The following SLX4 variants were observed in gnomAD, a reference collection of about 807,000 sequenced individuals.
SLX4 encodes SLX4 structure-specific endonuclease subunit, also known as structure-specific endonuclease subunit SLX4.
A neutral mutation model predicts 146.2 loss-of-function variants in SLX4; 112 were observed. The observed-to-expected ratio is 0.77, with a 90% CI of 0.66 to 0.90. The LOEUF is 0.90. Ranked by LOEUF, SLX4 falls within the 40% of genes least tolerant of loss-of-function variation. The pLI is 0.00. For missense variants in SLX4, 2,563 were observed against 2,392.7 expected (o/e 1.07, Z -1.49); for synonymous variants, 1,061 against 997.7 (o/e 1.06, Z -1.20).
chr16:3,602,983 G>C (rs1453145179), intron 3 of SLX4, among the ~76,000 whole-genome samples: 1 of 152,196 alleles, frequency 6.6e-6, no homozygotes, highest in Non-Finnish European at 1.5e-5. Context: ...AGTTCTTCAT[G>C]GCTGTGGCCT....
intron 3 of SLX4, among the ~76,000 whole-genome samples, chr16:3,604,094 T>G (rs2040757749): frequency 6.6e-6 from 1 of 150,932 alleles, no homozygotes; most frequent in Non-Finnish European, 1.5e-5. Context: ...TAGCCGGGTG[T>G]GGTGGTGGGT....
rs763480007 is a variant in SLX4 at position 3,602,263 on chromosome 16, C to A, written c.805G>T (p.Ala269Ser). 2 of 1,614,064 alleles carry A rather than the reference C, an allele frequency of 1.2e-6. No individual in the cohort carries two copies. The highest frequency in any genetic ancestry group is 1.3e-5 in the African/African-American group (1 of 74,958). ...PPAPESDAAVALTLQQEFARV... is the reference protein window; with the variant it reads ...PPAPESDAAVSLTLQQEFARV... The stretch of plus-strand genomic sequence containing the variant: ...GCAAACTCCTGCTGCAGGGTCAAGG[C>A]CACCGCAGCGTCGCTCTCTGGGGCA... Residue 269 changes from alanine (A) to serine (S), a missense_variant, in exon 4 of 15, where the codon GCC (alanine) becomes TCC (serine). Coordinates refer to ENST00000294008, the MANE Select transcript of SLX4 (RefSeq NM_032444.4).
chr16:3,583,357 G>A lies in SLX4; in HGVS notation c.4893C>T (p.Ser1631=), dbSNP rs760161771. ...CTGCCCTTGAAGGCTTGTAGGTCTG[G>A]GAGGCGAGGGTCTGGCAGTGAGGCG... is the stretch of plus-strand genomic sequence containing the variant. ...LQAPHCQTLA[S]QTYKPSRAGV... The change falls in exon 14 of 15, where the codon TCC becomes TCT. Residue 1631 remains serine (S), a synonymous_variant. Transcript: ENST00000294008. The A allele has an allele frequency of 6.2e-7, 1 of 1,613,412 alleles. No homozygotes were observed. Among genetic ancestry groups the A allele is most frequent in the South Asian group, 1.1e-5 (1 of 91,076 alleles).
rs768777830 is a variant in SLX4, at chr16:3,592,836, C to T, written c.2190G>A (p.Glu730=). The T allele has an allele frequency of 5.0e-6, 8 of 1,612,176 alleles. No individual in the cohort carries two copies. In the South Asian group the frequency reaches 6.6e-5, roughly 13 times the overall value. ...GGACACGCTGGGTCAGAACCCCGTCCTCTACAGCGGAGAAGCCTTCATTGT... is the reference window on the plus strand; with the variant it reads ...GGACACGCTGGGTCAGAACCCCGTCTTCTACAGCGGAGAAGCCTTCATTGT... ...YVNNEGFSAV[E]DGVLTQRVLL... Residue 730 remains glutamate (E), a synonymous_variant, in exon 11 of 15, where the codon GAG becomes GAA. Transcript: ENST00000294008.
intron 11 of SLX4, 132 bp downstream of exon 11, chr16:3,592,567 G>C: frequency 1.8e-6 from 2 of 1,104,340 alleles, no homozygotes; most frequent in Non-Finnish European, 2.7e-6. Context: ...CATGGACTTG[G>C]GATTAAAAGG....
Position 3,594,439 on chromosome 16 carries a change from G to C in SLX4, c.2160+14C>G. 6.2e-7 allele frequency: 1 copy of C among 1,609,592 alleles called. No individual in the cohort carries two copies. The highest frequency in any genetic ancestry group is 8.5e-7 in the Non-Finnish European group (1 of 1,178,104). ...AGAGAGGAAAGGAGGGCACACGGCA[G>C]CCCACGTACTTACATACTGGATGAG... On this transcript the variant is annotated intron_variant, in intron 10 of 14. Transcript: ENST00000294008.
At position 3,590,950 on chromosome 16, in the gene SLX4, C is replaced by T. The variant is rs758166923; in HGVS notation, c.2688G>A (p.Val896=). Reference sequence around the variant, plus strand: ...CCTCCACCTTGTCCCACTGTTTCTGCACCTGGACACCTGCTAGGAGTTGCC... The same window carrying T: ...CCTCCACCTTGTCCCACTGTTTCTGTACCTGGACACCTGCTAGGAGTTGCC... The part of the protein sequence containing the change: ...VSGQLLAGVQ[V]QKQWDKVEEM... The change falls in exon 12 of 15, where the codon GTG becomes GTA. Residue 896 remains valine, a synonymous_variant. Transcript: ENST00000294008. This position sits in a 1 kb window ranked among gnomAD's most constrained non-coding sequence, Gnocchi z 4.8. 2 of 1,614,208 alleles carry T rather than the reference C, an allele frequency of 1.2e-6. No homozygotes were observed. Among genetic ancestry groups the T allele is most frequent in the South Asian group, 2.2e-5 (2 of 91,088 alleles).
At chr16:3,585,336 C>T (rs1308624289) in intron 12 of SLX4, among the ~76,000 whole-genome samples, 2 of 152,202 alleles carry the variant, frequency 1.3e-5, no homozygotes, top group Admixed American at 6.5e-5. Context: ...CCTGTAATCC[C>T]AGCACTTTGG....
intron 12 of SLX4, among the ~76,000 whole-genome samples, chr16:3,585,184 C>T (rs994859489): frequency 2.0e-5 from 3 of 152,194 alleles, no homozygotes; most frequent in African/African-American, 7.2e-5. Context: ...ATATCTGACC[C>T]ACAGTGACAA....
chr16:3,582,167 A>G lies in SLX4; in HGVS notation c.*175T>C. 1 of 617,334 alleles carries G rather than the reference A, an allele frequency of 1.6e-6. No homozygotes were observed. The highest frequency in any genetic ancestry group is 2.9e-6 in the Non-Finnish European group (1 of 349,506). 38.2% of individuals were successfully genotyped at this position (617,334 alleles called of 1,614,324 possible). ...TGCCACCCTAGAAAGCAGAGCCCAG[A>G]GGAGGAAGCCCTGGATTGGGCTGTG... is the stretch of plus-strand genomic sequence containing the variant. On this transcript the variant is annotated 3_prime_UTR_variant, in exon 15 of 15. Transcript: ENST00000294008.
rs769809295 is a variant in SLX4, at chr16:3,601,118, G to A, written c.1024C>T (p.Pro342Ser). ...GTTCTGCTCTTTAAGGTAAGAAACG[G>A]TTTCCCACAAATCGGGCACTCAGGG... ...QIPECPICGK[P>S]FLTLKSRTSH... The change falls in exon 5 of 15, where the codon CCG becomes TCG. Residue 342 changes from proline to serine, a missense_variant. Transcript: ENST00000294008. 4.3e-6 allele frequency: 7 copies of A among 1,614,132 alleles called. No homozygotes were observed. In the South Asian group the frequency reaches 7.7e-5, roughly 18 times the overall value.
intron 10 of SLX4, 146 bp downstream of exon 10, chr16:3,594,307 G>T: frequency 8.7e-7 from 1 of 1,147,924 alleles, no homozygotes; most frequent in Non-Finnish European, 1.3e-6. Flanking sequence ...TTGGGAGGGA[G>T]AAGGTGAGAA....
rs138810930 is a variant in SLX4, at chr16:3,609,817, T to C, written c.-602-251A>G. 2.3e-4 allele frequency among the ~76,000 whole-genome samples: 35 copies of C among 152,356 alleles called. No homozygotes were observed. The East Asian group carries it at 6.7e-3, about 29-fold the overall frequency. On this transcript the variant is annotated intron_variant, in intron 1 of 14. Transcript: ENST00000294008. ...ATATGTGCATCTTGGGAGAGTGTTTTCTTAACTGAAATTTAGGGAGCAAAC... is the reference window on the plus strand; with the variant it reads ...ATATGTGCATCTTGGGAGAGTGTTTCCTTAACTGAAATTTAGGGAGCAAAC...
Position 3,596,297 on chromosome 16 carries a change from C to T in SLX4, c.1780G>A (p.Gly594Ser). ...SPALHGTPTA[G>S]CGSRGPSPSA... The stretch of plus-strand genomic sequence containing the variant: ...GGCGACGGGCCCCTGGAGCCACAGC[C>T]TGCAGTGGGGGTGCCGTGGAGAGCG... The change falls in exon 8 of 15, where the codon GGC becomes AGC. Residue 594 changes from glycine (G) to serine (S), a missense_variant. Physicochemically the swap from Gly to Ser is moderately conservative, Grantham distance 56 (BLOSUM62 0). Coordinates refer to ENST00000294008, the MANE Select transcript of SLX4 (RefSeq NM_032444.4). The T allele has an allele frequency of 6.4e-7, 1 of 1,574,592 alleles. No individual in the cohort carries two copies. The highest frequency in any genetic ancestry group is 8.6e-7 in the Non-Finnish European group (1 of 1,160,512).
At chr16:3,600,323 C>G (rs991185144) in intron 5 of SLX4, among the ~76,000 whole-genome samples, 1 of 152,170 alleles carries the variant, frequency 6.6e-6, no homozygotes, top group Non-Finnish European at 1.5e-5. Flanking sequence ...AGGCCACAGA[C>G]CGGTACTGGT....
intron 5 of SLX4, chr16:3,600,539 T>TTTCA (rs1187402956): frequency 9.4e-6 from 2 of 213,132 alleles, no homozygotes; most frequent in African/African-American, 4.8e-5. Flanking sequence ...GCCCTAAGTG[T>TTTCA]TTCATTTCCA....
intron 11 of SLX4, 99 bp from the exon 12 acceptor site, chr16:3,591,409 G>A: frequency 6.5e-7 from 1 of 1,535,664 alleles, no homozygotes. Flanking sequence ...TTCACCAGGA[G>A]GAATGACCAT....
Position 3,595,693 on chromosome 16 carries a change from C to A in SLX4, c.1925G>T (p.Gly642Val). 3 of 1,614,060 alleles carry A rather than the reference C, an allele frequency of 1.9e-6. No individual in the cohort carries two copies. Among genetic ancestry groups the A allele is most frequent in the Non-Finnish European group, 2.5e-6 (3 of 1,180,036 alleles). Residue 642 changes from glycine (G) to valine (V), a missense_variant and splice_region_variant, in exon 9 of 15, where the codon GGG becomes GTG. By Grantham distance (109) the Gly-to-Val change is moderately radical (BLOSUM62 -3). Coordinates refer to ENST00000294008, the MANE Select transcript of SLX4 (RefSeq NM_032444.4). Reference sequence around the variant, plus strand: ...AAGGCCGCCGGGCACCACGTCCAACCCTGAGTGGAGGATTCACAGGTTAAA... The same window carrying A: ...AAGGCCGCCGGGCACCACGTCCAACACTGAGTGGAGGATTCACAGGTTAAA... ...GGLAGSEGTA[G>V]LDVVPGGLPL...
intron 4 of SLX4, chr16:3,601,706 T>G: frequency 3.2e-6 from 1 of 313,204 alleles, no homozygotes; most frequent in South Asian, 3.0e-5. Context: ...AACAACATAT[T>G]AAGTCAAAGA....
Sources: gnomAD v4.1 joint callset for allele counts (sites outside exome capture counted in the v4.1 genomes callset) on GRCh38, gnomAD v4.1.1 for gene constraint, Gnocchi (gnomAD v3.1) non-coding constraint, MANE v1.5 for transcripts, NCBI Gene and HGNC (gene_info 2026-07-23, HGNC 2026-07-21) for gene names.